Variants in DLG2 observed in about 807,000 individuals in gnomAD.
DLG2 encodes the protein discs large MAGUK scaffold protein 2, also known as disks large homolog 2.
Under a neutral mutation model 132.5 loss-of-function variants are expected in DLG2, and 45 were observed. The observed-to-expected ratio is 0.34, with a 90% CI of 0.27 to 0.44. The LOEUF is 0.44. Ranked by LOEUF, DLG2 falls within the 20% of genes least tolerant of loss-of-function variation. DLG2 has a pLI of 1.00. For missense variants in DLG2, 1,045 were observed against 1,196.9 expected (o/e 0.87, Z 1.87); for synonymous variants, 424 against 419.6 (o/e 1.01, Z -0.13).
intron 3 of DLG2, among the ~76,000 whole-genome samples, chr11:85,468,419 G>T (rs566681642): frequency 6.6e-6 from 1 of 152,234 alleles, no homozygotes; most frequent in South Asian, 2.1e-4. Context: ...GTCAATTTTA[G>T]ATCTTTTCTG....
intron 17 of DLG2, among the ~76,000 whole-genome samples, chr11:83,811,785 G>A (rs752752458): frequency 3.9e-5 from 6 of 152,096 alleles, no homozygotes; most frequent in Non-Finnish European, 7.4e-5. Context: ...CAACATTGGA[G>A]TTGTCAGCTA....
At chr11:84,719,465 A>G (rs908150479) in intron 6 of DLG2, among the ~76,000 whole-genome samples, 1 of 152,212 alleles carries the variant, frequency 6.6e-6, no homozygotes, top group Non-Finnish European at 1.5e-5. Context: ...AAGACTTGTA[A>G]CTTACAGTAA....
At chr11:85,249,665 A>G (rs1311000328) in intron 4 of DLG2, among the ~76,000 whole-genome samples, 3 of 152,130 alleles carry the variant, frequency 2.0e-5, no homozygotes, top group Non-Finnish European at 4.4e-5. Flanking sequence ...TGATGGAGAC[A>G]AAGGTCACTT....
At chr11:84,556,573 T>G (rs1002802668) in intron 6 of DLG2, among the ~76,000 whole-genome samples, 2 of 152,144 alleles carry the variant, frequency 1.3e-5, no homozygotes, top group Non-Finnish European at 2.9e-5. Context: ...ATTCAAATGT[T>G]TTTGCATTTG....
intron 4 of DLG2, among the ~76,000 whole-genome samples, chr11:85,204,635 A>G (rs537053765): frequency 6.6e-6 from 1 of 152,248 alleles, no homozygotes; most frequent in South Asian, 2.1e-4. Context: ...ATTCAATGCA[A>G]TCCTTTTTAA....
intron 4 of DLG2, among the ~76,000 whole-genome samples, chr11:85,181,589 C>G (rs899861230): frequency 2.6e-5 from 4 of 151,636 alleles, no homozygotes; most frequent in African/African-American, 9.7e-5. Context: ...CCTGTCAACA[C>G]TACCAATAGT....
At chr11:83,561,879 CTTTCTTT>C (rs1412264497) in intron 19 of DLG2, among the ~76,000 whole-genome samples, 2 of 105,996 alleles carry the variant, frequency 1.9e-5, no homozygotes, top group African/African-American at 7.4e-5. Context: ...CTTAGTATTT[CTTTCTTT>C]TTTTTTTTTT....
intron 18 of DLG2, among the ~76,000 whole-genome samples, chr11:83,701,637 C>T (rs1485053766): frequency 6.6e-6 from 1 of 152,106 alleles, no homozygotes; most frequent in African/African-American, 2.4e-5. Flanking sequence ...CCGGGACATA[C>T]AAAGGAAGTG....
intron 6 of DLG2, among the ~76,000 whole-genome samples, chr11:85,056,832 T>C (rs962501398): frequency 1.3e-5 from 2 of 151,980 alleles, no homozygotes; most frequent in Non-Finnish European, 2.9e-5. Flanking sequence ...ACTGCCTAAC[T>C]TGAATTTTAT....
intron 7 of DLG2, among the ~76,000 whole-genome samples, chr11:84,267,409 T>C (rs2097654441): frequency 6.6e-6 from 1 of 152,234 alleles, no homozygotes; most frequent in Non-Finnish European, 1.5e-5. Context: ...TGAAGACCAC[T>C]GTCCTCAGCT....
At chr11:84,636,783 C>T (rs1301055534) in intron 6 of DLG2, among the ~76,000 whole-genome samples, 9 of 51,296 alleles carry the variant, frequency 1.8e-4, no homozygotes, top group Admixed American at 5.8e-4. Flanking sequence ...AAGGGATGCA[C>T]ATTTTTTTTT....
intron 21 of DLG2, among the ~76,000 whole-genome samples, chr11:83,503,388 T>TA (rs2094536865): frequency 2.5e-5 from 1 of 40,680 alleles, no homozygotes; most frequent in Non-Finnish European, 4.9e-5. Context: ...TATATATATA[T>TA]ATATATATAT....
chr11:84,714,623 TTCTCTCTC>T (rs1284319609), intron 6 of DLG2, among the ~76,000 whole-genome samples: 3 of 105,044 alleles, frequency 2.9e-5, no homozygotes, highest in Admixed American at 9.2e-5. Context: ...CTCTTTCTCT[TTCTCTCTC>T]TCTCTCTCTC....
chr11:83,847,155 T>C (rs2058794390), intron 16 of DLG2, among the ~76,000 whole-genome samples: 1 of 152,130 alleles, frequency 6.6e-6, no homozygotes, highest in African/African-American at 2.4e-5. Context: ...CTTGTTAAAC[T>C]AAATAAAAGT....
At chr11:84,493,965 T>C (rs992286248) in intron 7 of DLG2, among the ~76,000 whole-genome samples, 1 of 152,142 alleles carries the variant, frequency 6.6e-6, no homozygotes. Flanking sequence ...TAGTGTAACA[T>C]AGATAGATCC....
chr11:83,884,401 C>T (rs1009179695), intron 15 of DLG2, among the ~76,000 whole-genome samples: 14 of 152,184 alleles, frequency 9.2e-5, no homozygotes, highest in South Asian at 4.1e-4. Context: ...GAGGGGCGCC[C>T]GCCATTGCCC....
chr11:83,892,646 T>A (rs200177264), intron 15 of DLG2, among the ~76,000 whole-genome samples: 3 of 151,864 alleles, frequency 2.0e-5, no homozygotes, highest in East Asian at 1.9e-4. Flanking sequence ...TAACAATTTT[T>A]AAATCTATGA....
intron 19 of DLG2, among the ~76,000 whole-genome samples, chr11:83,628,134 G>A (rs1285206088): frequency 3.3e-5 from 5 of 152,188 alleles, no homozygotes; most frequent in Non-Finnish European, 7.4e-5. Flanking sequence ...AGATGAGTAG[G>A]TTGCAAAAAT....
rs2080866106 is a variant in DLG2 at position 85,194,279 on chromosome 11, G to A, written c.187-39628C>T. Among the ~76,000 whole-genome samples the A allele has an allele frequency of 1.3e-5, 2 of 152,264 alleles. 1 individual carries two copies. Among genetic ancestry groups the A allele is most frequent in the Middle Eastern group, 6.8e-3 (2 of 294 alleles). On this transcript the variant is annotated intron_variant, in intron 4 of 27. Transcript: ENST00000376104. ...ACAGCTTACTTTTTTCTCGTAAGAAGTCCTTTCCAACTCCAAGCCAATCTT... is the reference window on the plus strand; with the variant it reads ...ACAGCTTACTTTTTTCTCGTAAGAAATCCTTTCCAACTCCAAGCCAATCTT...
Sources: allele counts gnomAD v4.1 joint callset (sites outside exome capture counted in the v4.1 genomes callset), GRCh38; gene constraint gnomAD v4.1.1; transcripts MANE v1.5; gene names NCBI Gene and HGNC (gene_info 2026-07-23, HGNC 2026-07-21).